The following RALGPS2 variants were observed in gnomAD, a reference collection of about 807,000 sequenced individuals.
The protein encoded by RALGPS2 is ras-specific guanine nucleotide-releasing factor RalGPS2.
In RALGPS2, 43 loss-of-function variants were observed where a neutral mutation model predicts 86.8. The ratio of observed to expected loss-of-function variants is 0.50; its 90% CI spans 0.39 to 0.64. The LOEUF is 0.64. Ranked by LOEUF, RALGPS2 falls within the 30% of genes least tolerant of loss-of-function variation. The probability of loss-of-function intolerance (pLI) is 0.00; values close to 1 mark genes in which losing one functional copy is unlikely to be tolerated. For synonymous variants in RALGPS2, 243 were observed against 231.3 expected (o/e 1.05, Z -0.46); for missense variants, 536 against 694.6 (o/e 0.77, Z 2.57).
chr1:178,895,861 G>C (rs1286289103), intron 16 of RALGPS2, among the ~76,000 whole-genome samples: 1 of 151,938 alleles, frequency 6.6e-6, no homozygotes, highest in Admixed American at 6.6e-5. Flanking sequence ...TGTTGAAAAA[G>C]TATGGATCAT....
At chr1:178,794,316 C>T (rs552454155) in intron 4 of RALGPS2, among the ~76,000 whole-genome samples, 1 of 152,234 alleles carries the variant, frequency 6.6e-6, no homozygotes, top group South Asian at 2.1e-4. Context: ...CAGGGTTTCA[C>T]CATGTTGGCC....
chr1:178,827,069 C>T (rs571700430), intron 7 of RALGPS2, among the ~76,000 whole-genome samples: 37 of 152,138 alleles, frequency 2.4e-4, no homozygotes, highest in African/African-American at 8.7e-4. Context: ...ACATTAATAA[C>T]GAACTATCTG....
At chr1:178,735,598 AT>A (rs1250223641) in intron 1 of RALGPS2, among the ~76,000 whole-genome samples, 2 of 57,476 alleles carry the variant, frequency 3.5e-5, no homozygotes, top group Non-Finnish European at 7.0e-5. Context: ...TAATTTTTGT[AT>A]TCTTTTTTTT....
intron 1 of RALGPS2, among the ~76,000 whole-genome samples, chr1:178,760,688 G>C (rs1359240018): frequency 1.3e-5 from 2 of 152,070 alleles, no homozygotes; most frequent in East Asian, 1.9e-4. Flanking sequence ...CTTTATACAT[G>C]ATCTGACCTT....
At chr1:178,787,215 T>C (rs1439821772) in intron 4 of RALGPS2, among the ~76,000 whole-genome samples, 1 of 152,148 alleles carries the variant, frequency 6.6e-6, no homozygotes, top group Non-Finnish European at 1.5e-5. Flanking sequence ...AAAATTCACC[T>C]GTCTTCTTCT....
intron 8 of RALGPS2, chr1:178,865,718 T>C (rs141156731): frequency 1.2e-6 from 2 of 1,613,608 alleles, no homozygotes; most frequent in Admixed American, 1.7e-5. Context: ...ACCTCTGCAA[T>C]GTCCAGTGTC....
At chr1:178,883,107 A>C (rs1659330709) in intron 10 of RALGPS2, among the ~76,000 whole-genome samples, 2 of 152,120 alleles carry the variant, frequency 1.3e-5, no homozygotes, top group Admixed American at 6.5e-5. Context: ...ACAACTTTTT[A>C]ATGTATTTTC....
At chr1:178,761,429 CA>C (rs1230859254) in intron 1 of RALGPS2, among the ~76,000 whole-genome samples, 5,123 of 135,548 alleles carry the variant, frequency 0.038, 242 homozygotes, top group African/African-American at 0.12. Context: ...CACTCTGTCT[CA>C]AAAAAAAAAA....
At chr1:178,730,639 C>T (rs539834378) in intron 1 of RALGPS2, among the ~76,000 whole-genome samples, 1 of 149,876 alleles carries the variant, frequency 6.7e-6, no homozygotes, top group African/African-American at 2.4e-5. Flanking sequence ...TTGCCTTCCA[C>T]TTATGCTGTG....
In RALGPS2 at chr1:178,833,450, C is replaced by G; in HGVS notation, c.507C>G (p.Thr169=). 2 of 1,510,380 alleles carry G rather than the reference C, an allele frequency of 1.3e-6. No individual in the cohort carries two copies. The highest frequency in any genetic ancestry group is 2.7e-5 in the Admixed American group (1 of 36,912). 93.6% of individuals were successfully genotyped at this position (1,510,380 alleles called of 1,614,324 possible). ...TATTAAGTCGAAAAGACAAAACTAC[C>G]TTTGAAAAATTAGAATATGTAATGA... ...WALLSRKDKT[T]FEKLEYVMSK... Residue 169 remains threonine, a synonymous_variant, in exon 8 of 20, where the codon ACC becomes ACG. Transcript: ENST00000367635.
intron 1 of RALGPS2, among the ~76,000 whole-genome samples, chr1:178,739,383 A>G (rs908393978): frequency 2.6e-5 from 4 of 152,208 alleles, no homozygotes; most frequent in Non-Finnish European, 5.9e-5. Flanking sequence ...ATAAAACAAT[A>G]TGTTGTTTTG....
intron 2 of RALGPS2, 129 bp downstream of exon 2, chr1:178,776,950 A>T (rs1478389138): frequency 9.1e-5 from 64 of 699,748 alleles, no homozygotes; most frequent in East Asian, 5.1e-4. Flanking sequence ...CTTTTTTTTT[A>T]AATTTTATTT....
intron 8 of RALGPS2, chr1:178,851,029 T>C (rs1657138893): frequency 5.3e-6 from 6 of 1,142,250 alleles, no homozygotes; most frequent in Non-Finnish European, 7.1e-6. Context: ...ACTTTCTGTG[T>C]AGAAATAAAT....
chr1:178,856,637 C>T (rs1657607179), intron 8 of RALGPS2, among the ~76,000 whole-genome samples: 1 of 151,588 alleles, frequency 6.6e-6, no homozygotes, highest in South Asian at 2.1e-4. Flanking sequence ...ATTCAGAGCC[C>T]TTAACACTAT....
At chr1:178,768,399 C>T (rs986956621) in intron 1 of RALGPS2, among the ~76,000 whole-genome samples, 1 of 152,178 alleles carries the variant, frequency 6.6e-6, no homozygotes, top group Non-Finnish European at 1.5e-5. Flanking sequence ...TTTCCCCACT[C>T]CCTAGGGGGT....
chr1:178,776,477 T>C (rs1653090736), intron 1 of RALGPS2, among the ~76,000 whole-genome samples: 1 of 152,188 alleles, frequency 6.6e-6, no homozygotes, highest in Non-Finnish European at 1.5e-5. Context: ...AACAATAACA[T>C]CTATTGAATA....
rs970112042 is a variant in RALGPS2 at position 178,906,758 on chromosome 1, T to G, written c.1631-18T>G. The G allele has an allele frequency of 6.3e-7, 1 of 1,589,932 alleles. No individual in the cohort carries two copies. Among genetic ancestry groups the G allele is most frequent in the Non-Finnish European group, 8.6e-7 (1 of 1,161,310 alleles). On this transcript the variant is annotated intron_variant, in intron 18 of 19. Coordinates refer to ENST00000367635, the MANE Select transcript of RALGPS2 (RefSeq NM_152663.5). ...CCTTACATTTTTAATATTTCCCCCTTATTTTGGATAATTTTAGGAAATTCG... is the reference window on the plus strand; with the variant it reads ...CCTTACATTTTTAATATTTCCCCCTGATTTTGGATAATTTTAGGAAATTCG...
intron 2 of RALGPS2, among the ~76,000 whole-genome samples, chr1:178,777,700 G>A (rs1490140868): frequency 1.3e-5 from 2 of 151,974 alleles, no homozygotes; most frequent in African/African-American, 4.8e-5. Context: ...CAGAGATATA[G>A]ATCAATGGAA....
intron 18 of RALGPS2, among the ~76,000 whole-genome samples, 170 bp from the exon 19 acceptor site, chr1:178,906,606 T>A (rs534853432): frequency 2.6e-5 from 4 of 152,174 alleles, no homozygotes; most frequent in Admixed American, 2.0e-4. Context: ...GAACTCTTTA[T>A]TGTATTGGAA....
Sources: allele counts gnomAD v4.1 joint callset (sites outside exome capture counted in the v4.1 genomes callset), GRCh38; gene constraint gnomAD v4.1.1; transcripts MANE v1.5; gene names NCBI Gene and HGNC (gene_info 2026-07-23, HGNC 2026-07-21).